Variants in TEX11 observed in about 807,000 individuals in gnomAD.
The protein encoded by TEX11 is testis expressed 11.
In TEX11, 7 loss-of-function variants were observed where a neutral mutation model predicts 84.4. The ratio of observed to expected loss-of-function variants is 0.08; its 90% CI spans 0.05 to 0.16. The LOEUF (loss-of-function observed/expected upper bound fraction) is 0.16. Ranked by LOEUF, TEX11 falls within the 10% of genes least tolerant of loss-of-function variation. The pLI is 1.00. For missense variants in TEX11, 551 were observed against 660.5 expected, an observed-to-expected ratio of 0.83 and a Z score of 1.82; for synonymous variants, 264 against 222.8, an observed-to-expected ratio of 1.18 and a Z score of -1.64.
chrX:70,639,093 T>A (rs1049585558), intron 17 of TEX11, among the ~76,000 whole-genome samples: 3 of 111,434 alleles, frequency 2.7e-5, no homozygotes, highest in African/African-American at 9.8e-5. Context: ...AGGCATTGCC[T>A]CACTCGGCGG....
In TEX11 at chrX:70,744,241, A is replaced by AAAAT. The variant is rs1556037145; in HGVS notation, c.693-23_693-22insATTT. ...TTGGCTATCATTAAAAAGGAAAAAA[A>AAAAT]ATATATATATATATATAAACATATA... On this transcript the variant is annotated intron_variant, in intron 9 of 29. Coordinates refer to ENST00000374333, the MANE Select transcript of TEX11 (RefSeq NM_031276.3). 3.5e-4 allele frequency: 224 copies of AAAAT among 634,226 alleles called. No individual in the cohort carries two copies. In the East Asian group the frequency reaches 0.01, roughly 28 times the overall value. 52.3% of individuals were successfully genotyped at this position (634,226 alleles called of 1,213,427 possible).
intron 15 of TEX11, among the ~76,000 whole-genome samples, chrX:70,677,766 A>C (rs1167394148): frequency 4.6e-5 from 5 of 107,890 alleles, no homozygotes; most frequent in Non-Finnish European, 9.6e-5. Context: ...CAAAGCAGTA[A>C]GCTGCACAAT....
chrX:70,734,891 CAAA>C (rs2090683934), intron 11 of TEX11, among the ~76,000 whole-genome samples: 1 of 111,744 alleles, frequency 8.9e-6, no homozygotes, highest in African/African-American at 3.2e-5. Flanking sequence ...TACTTAATGG[CAAA>C]ATACTGAAAG....
At chrX:70,516,980 A>C in the TEX11 span, among the ~76,000 whole-genome samples, 34 of 111,983 alleles carry the variant, frequency 3.0e-4, no homozygotes, top group South Asian at 0.013. Context: ...TTGTATCCTG[A>C]GACTTTGCTG....
At chrX:70,513,365 G>GAT in the TEX11 span, among the ~76,000 whole-genome samples, 3,450 of 101,688 alleles carry the variant, frequency 0.034, 305 homozygotes, top group African/African-American at 0.12. Context: ...AAAAAAAAAG[G>GAT]ATATATATAT....
At chrX:70,537,804 C>T (rs955183955) in intron 28 of TEX11, among the ~76,000 whole-genome samples, 8 of 111,050 alleles carry the variant, frequency 7.2e-5, no homozygotes, top group Middle Eastern at 9.2e-3. Context: ...AAGTGAAAAA[C>T]GGAAACTGTG....
chrX:70,729,163 T>C (rs1488144674), intron 11 of TEX11, among the ~76,000 whole-genome samples: 1 of 103,838 alleles, frequency 9.6e-6, no homozygotes, highest in Non-Finnish European at 2.0e-5. Flanking sequence ...CCCATCTGTT[T>C]GTCACCATCA....
At position 70,850,115 on chromosome X, in the gene TEX11, T is replaced by G. The variant is rs756299543; in HGVS notation, c.525+2919A>C. 4.3e-4 allele frequency among the ~76,000 whole-genome samples: 48 copies of G among 112,265 alleles called. 1 individual carries two copies. In the South Asian group the frequency reaches 0.018, roughly 42 times the overall value. On this transcript the variant is annotated intron_variant, in intron 7 of 29. Coordinates refer to ENST00000374333, the MANE Select transcript of TEX11 (RefSeq NM_031276.3). ...TATTAAGCCAAAATCTGTCTTCCTA[T>G]AATTTCTACCCATTGTTCTTCATTC... is the stretch of plus-strand genomic sequence containing the variant.
intron 9 of TEX11, among the ~76,000 whole-genome samples, chrX:70,795,224 C>T (rs1259543711): frequency 4.6e-5 from 5 of 109,421 alleles, no homozygotes; most frequent in African/African-American, 1.7e-4. Flanking sequence ...ACAGTGGTGG[C>T]CATAGGAAGA....
chrX:70,650,128 C>T (rs1053810763), intron 17 of TEX11, among the ~76,000 whole-genome samples: 7 of 111,426 alleles, frequency 6.3e-5, no homozygotes, highest in African/African-American at 2.0e-4. Flanking sequence ...TACTGATTTC[C>T]AGGGCTGAAA....
At chrX:70,806,196 T>C (rs1220300416) in intron 9 of TEX11, among the ~76,000 whole-genome samples, 2 of 112,279 alleles carry the variant, frequency 1.8e-5, no homozygotes, top group African/African-American at 3.2e-5. Context: ...GGCTCACGCC[T>C]GTAATCCCAG....
intron 25 of TEX11, among the ~76,000 whole-genome samples, chrX:70,567,453 A>C (rs1282003195): frequency 1.8e-5 from 2 of 110,186 alleles, no homozygotes; most frequent in Non-Finnish European, 3.8e-5. Context: ...CTAGCTTTTG[A>C]ATGTGTTTGC....
intron 28 of TEX11, among the ~76,000 whole-genome samples, chrX:70,536,698 T>C (rs2087963087): frequency 8.9e-6 from 1 of 112,478 alleles, no homozygotes; most frequent in Non-Finnish European, 1.9e-5. Flanking sequence ...TTTGCACTAA[T>C]GCCATACTTT....
intron 8 of TEX11, among the ~76,000 whole-genome samples, chrX:70,824,267 T>G (rs1450846366): frequency 8.9e-6 from 1 of 111,996 alleles, no homozygotes; most frequent in Admixed American, 9.5e-5. Flanking sequence ...CTAAACTTAA[T>G]GCAGCCAGAA....
At chrX:70,586,097 A>G (rs2088849870) in intron 25 of TEX11, among the ~76,000 whole-genome samples, 2 of 112,835 alleles carry the variant, frequency 1.8e-5, no homozygotes, top group Non-Finnish European at 3.7e-5. Context: ...AACAAATGGC[A>G]TGGTGGCAAC....
intron 8 of TEX11, among the ~76,000 whole-genome samples, chrX:70,823,917 G>A (rs2091331492): frequency 9.0e-6 from 1 of 111,397 alleles, no homozygotes; most frequent in Admixed American, 9.6e-5. Context: ...CTACTTGGGA[G>A]GCTGAGGCAG....
chrX:70,732,970 C>A (rs1043839635), intron 11 of TEX11, among the ~76,000 whole-genome samples: 2 of 111,668 alleles, frequency 1.8e-5, no homozygotes, highest in South Asian at 7.4e-4. Flanking sequence ...ACAAATGGAA[C>A]AGAACAGAGC....
intron 3 of TEX11, among the ~76,000 whole-genome samples, chrX:70,876,786 G>A (rs1450072820): frequency 9.0e-6 from 1 of 110,944 alleles, no homozygotes; most frequent in Non-Finnish European, 1.9e-5. Context: ...GCTGGGTATG[G>A]TGGCACATGC....
intron 28 of TEX11, among the ~76,000 whole-genome samples, chrX:70,540,493 A>AT (rs753046266): frequency 1.8e-5 from 2 of 111,216 alleles, no homozygotes; most frequent in Non-Finnish European, 1.9e-5. Context: ...TTATTAAATA[A>AT]TTTTTTTTAT....
Sources: gnomAD v4.1 joint callset for allele counts (sites outside exome capture counted in the v4.1 genomes callset) on GRCh38, gnomAD v4.1.1 for gene constraint, MANE v1.5 for transcripts, NCBI Gene and HGNC (gene_info 2026-07-23, HGNC 2026-07-21) for gene names.